Variants in PCDH15 observed in about 807,000 individuals in gnomAD.
PCDH15 encodes protocadherin-15.
PCDH15 carries 129 observed loss-of-function variants against 178.5 expected under a neutral mutation model. The observed-to-expected ratio is 0.72, with a 90% CI of 0.63 to 0.84. The LOEUF is 0.84. Among genes scored for constraint, PCDH15 ranks in the 40% least tolerant of loss-of-function variants. PCDH15 has a pLI of 0.00. For synonymous variants in PCDH15, 800 were observed against 732.0 expected (o/e 1.09, Z -1.50); for missense variants, 2,230 against 2,099.9 (o/e 1.06, Z -1.21).
intron 2 of PCDH15, among the ~76,000 whole-genome samples, chr10:54,902,632 A>G (rs1321997266): frequency 6.6e-6 from 1 of 152,174 alleles, no homozygotes; most frequent in African/African-American, 2.4e-5. Context: ...GTAGTTCTTT[A>G]TAGCAGTGTG....
intron 1 of PCDH15, among the ~76,000 whole-genome samples, chr10:54,790,271 C>T (rs539127128): frequency 6.6e-6 from 1 of 151,870 alleles, no homozygotes; most frequent in African/African-American, 2.4e-5. Context: ...TCTCAGTGCC[C>T]AGCCACTAGT....
chr10:55,467,966 CAAAAAAAAAAAAAAA>C, intron 2 of PCDH15, among the ~76,000 whole-genome samples: 1 of 36,638 alleles, frequency 2.7e-5, no homozygotes, highest in African/African-American at 1.5e-4. Flanking sequence ...GACTCCGTCT[CAAAAAAAAAAAAAAA>C]AAAAAAAAAA....
chr10:55,022,015 G>C (rs1275964316), intron 2 of PCDH15, among the ~76,000 whole-genome samples: 1 of 152,138 alleles, frequency 6.6e-6, no homozygotes, highest in African/African-American at 2.4e-5. Flanking sequence ...TAGAATGATA[G>C]CTACCAGAGG....
At chr10:54,805,226 T>C (rs533147850), upstream of PCDH15, among the ~76,000 whole-genome samples, 1 of 151,700 alleles carries the variant, frequency 6.6e-6, no homozygotes, top group African/African-American at 2.4e-5. Context: ...CTGGAGTCAA[T>C]AGGAACTGCA....
chr10:55,253,857 T>G (rs1056535829), intron 1 of PCDH15, among the ~76,000 whole-genome samples: 2 of 152,292 alleles, frequency 1.3e-5, no homozygotes, highest in African/African-American at 4.8e-5. Context: ...GTCAAGCACA[T>G]TGTACACTGC....
At chr10:54,222,678 T>G (rs1438103485) in intron 9 of PCDH15, among the ~76,000 whole-genome samples, 2 of 152,222 alleles carry the variant, frequency 1.3e-5, no homozygotes. Flanking sequence ...TTTTGGCCAT[T>G]CTGGTGTGTA....
intron 3 of PCDH15, among the ~76,000 whole-genome samples, chr10:54,890,220 G>A (rs763888377): frequency 3.3e-5 from 5 of 151,910 alleles, no homozygotes; most frequent in Admixed American, 1.3e-4. Context: ...TCACATGAGC[G>A]TGGATAAAGA....
intron 25 of PCDH15, among the ~76,000 whole-genome samples, chr10:53,904,250 T>G (rs754837386): frequency 6.6e-6 from 1 of 152,184 alleles, no homozygotes; most frequent in Non-Finnish European, 1.5e-5. Context: ...TAAGTCGACT[T>G]TTCTGATTCA....
At chr10:54,888,136 C>G (rs185805900) in intron 3 of PCDH15, among the ~76,000 whole-genome samples, 1 of 152,090 alleles carries the variant, frequency 6.6e-6, no homozygotes, top group African/African-American at 2.4e-5. Context: ...AGATAAAGGA[C>G]GTATGTATCA....
At chr10:53,997,190 C>T (rs1044381848) in intron 20 of PCDH15, among the ~76,000 whole-genome samples, 1 of 151,966 alleles carries the variant, frequency 6.6e-6, no homozygotes, top group Admixed American at 6.6e-5. Context: ...CAGTATTCAC[C>T]ATCTCTTCTA....
intron 1 of PCDH15, among the ~76,000 whole-genome samples, chr10:55,222,730 C>CACACACACACACACACACACACACACAT: frequency 7.4e-5 from 9 of 121,270 alleles, no homozygotes; most frequent in African/African-American, 2.4e-4. Flanking sequence ...CACACACACA[C>CACACACACACACACACACACACACACAT]ATATATATAT....
intron 2 of PCDH15, among the ~76,000 whole-genome samples, chr10:55,626,555 G>A (rs1564490617): frequency 6.6e-6 from 1 of 152,136 alleles, no homozygotes; most frequent in Non-Finnish European, 1.5e-5. Flanking sequence ...CTCTCTTAAG[G>A]TTAACTTGCC....
chr10:55,098,007 G>A lies in PCDH15; in HGVS notation c.-80+68569C>T, dbSNP rs116118165. On this transcript the variant is annotated intron_variant, in intron 2 of 5. Coordinates refer to the PCDH15 transcript ENST00000458638. ...AATGAAGTTTCCAAAAAAGAAAAGA[G>A]GCATTGCCTAGTCATGCATGACAAA... Among the ~76,000 whole-genome samples the A allele has an allele frequency of 2.5e-3, 379 of 152,172 alleles. 1 individual carries two copies. Among genetic ancestry groups the A allele is most frequent in the Middle Eastern group, 0.01 (3 of 294 alleles).
At chr10:54,855,700 A>C (rs554787960) in intron 3 of PCDH15, among the ~76,000 whole-genome samples, 2 of 152,320 alleles carry the variant, frequency 1.3e-5, no homozygotes, top group South Asian at 4.1e-4. Flanking sequence ...ATGTTATTCT[A>C]GGAATTAATT....
chr10:54,574,960 C>T (rs1313689318), intron 2 of PCDH15, among the ~76,000 whole-genome samples: 2 of 148,720 alleles, frequency 1.3e-5, no homozygotes, highest in East Asian at 4.0e-4. Context: ...CCATGGAATA[C>T]TATGCAGCCA....
chr10:54,873,419 A>G (rs1187700328), intron 3 of PCDH15, among the ~76,000 whole-genome samples: 1 of 151,218 alleles, frequency 6.6e-6, no homozygotes, highest in Non-Finnish European at 1.5e-5. Context: ...TGTCCTCCGC[A>G]AATTACCTTG....
At chr10:54,710,429 G>A (rs1341140733) in intron 1 of PCDH15, among the ~76,000 whole-genome samples, 1 of 151,934 alleles carries the variant, frequency 6.6e-6, no homozygotes, top group Non-Finnish European at 1.5e-5. Context: ...AAATTTCTGA[G>A]CGAAGCATTT....
intron 3 of PCDH15, among the ~76,000 whole-genome samples, chr10:54,514,548 T>A (rs939441317): frequency 1.3e-5 from 2 of 151,414 alleles, no homozygotes; most frequent in African/African-American, 4.9e-5. Flanking sequence ...TTAGTTTTTT[T>A]AAAAAAGTAT....
intron 3 of PCDH15, among the ~76,000 whole-genome samples, chr10:54,840,491 A>C (rs1953399450): frequency 6.6e-6 from 1 of 151,912 alleles, no homozygotes; most frequent in African/African-American, 2.4e-5. Context: ...AGTGGAGAAA[A>C]ATCATCAAAT....
Sources: allele counts gnomAD v4.1 joint callset (sites outside exome capture counted in the v4.1 genomes callset), GRCh38; gene constraint gnomAD v4.1.1; transcripts MANE v1.5; gene names NCBI Gene and HGNC (gene_info 2026-07-23, HGNC 2026-07-21).